The following FUT8 variants were observed in gnomAD, a reference collection of about 807,000 sequenced individuals.
The protein encoded by FUT8 is fucosyltransferase 8, also known as alpha-(1,6)-fucosyltransferase.
Under a neutral mutation model 71.3 loss-of-function variants are expected in FUT8, and 29 were observed. That is an observed-to-expected ratio of 0.41 (90% CI 0.30 to 0.55). The LOEUF is 0.55. Among genes scored for constraint, FUT8 ranks in the 20% least tolerant of loss-of-function variants. The probability of loss-of-function intolerance (pLI) is 0.34; values close to 1 mark genes in which losing one functional copy is unlikely to be tolerated. For missense variants in FUT8, 544 were observed against 702.1 expected, an observed-to-expected ratio of 0.77 and a Z score of 2.55; for synonymous variants, 254 against 239.3, an observed-to-expected ratio of 1.06 and a Z score of -0.57.
intron 6 of FUT8, among the ~76,000 whole-genome samples, chr14:65,656,740 C>T (rs754122889): frequency 6.6e-6 from 1 of 152,182 alleles, no homozygotes; most frequent in Non-Finnish European, 1.5e-5. Context: ...GGAGGAATCA[C>T]ACTGCCTGAC....
At chr14:65,634,760 A>T (rs1438076948) in intron 6 of FUT8, among the ~76,000 whole-genome samples, 1 of 152,140 alleles carries the variant, frequency 6.6e-6, no homozygotes, top group Non-Finnish European at 1.5e-5. Flanking sequence ...GAAATCAGGT[A>T]GTGTGATGCC....
intron 9 of FUT8, among the ~76,000 whole-genome samples, chr14:65,727,932 A>G (rs977112387): frequency 3.3e-5 from 5 of 152,214 alleles, no homozygotes; most frequent in Admixed American, 6.5e-5. Flanking sequence ...AAGTTCCACA[A>G]ATCTCTAGGG....
chr14:65,471,298 C>T (rs1946010784), intron 2 of FUT8: 1 of 157,600 alleles, frequency 6.3e-6, no homozygotes, highest in African/African-American at 2.4e-5. Flanking sequence ...ACTGTAAAAC[C>T]GTAGTAGGTT....
intron 3 of FUT8, among the ~76,000 whole-genome samples, chr14:65,614,107 G>A (rs1486518521): frequency 2.1e-5 from 2 of 95,912 alleles, no homozygotes; most frequent in African/African-American, 8.2e-5. Context: ...AATCGAGACT[G>A]TGTCAAAAAA....
rs3079115 is a variant in FUT8 at position 65,629,829 on chromosome 14, TACAC to T, written c.597+249_597+252del. Reference sequence around the variant, plus strand: ...TAAAGGGAGCTACTTCTTACACACGTACACACACACACACACACACACACACACA... The same window carrying T: ...TAAAGGGAGCTACTTCTTACACACGTACACACACACACACACACACACACA... On this transcript the variant is annotated intron_variant, in intron 6 of 10. Transcript: ENST00000673929. Among the ~76,000 whole-genome samples the T allele has an allele frequency of 0.12, 18,397 of 148,010 alleles. 1,419 individuals carry two copies. The highest frequency in any genetic ancestry group is 0.38 in the East Asian group (1,935 of 5,068).
chr14:65,503,004 G>T (rs1285576791), intron 2 of FUT8, among the ~76,000 whole-genome samples: 1 of 152,156 alleles, frequency 6.6e-6, no homozygotes, highest in Non-Finnish European at 1.5e-5. Context: ...TCCAGTGTTG[G>T]ACTTGGATGG....
At chr14:65,642,276 C>G (rs141724840) in intron 6 of FUT8, among the ~76,000 whole-genome samples, 23 of 152,050 alleles carry the variant, frequency 1.5e-4, no homozygotes, top group Non-Finnish European at 3.1e-4. Flanking sequence ...AAGATTATGT[C>G]TTTCCTATTA....
intron 6 of FUT8, among the ~76,000 whole-genome samples, chr14:65,629,969 T>C (rs1160405943): frequency 6.6e-6 from 1 of 152,120 alleles, no homozygotes; most frequent in Non-Finnish European, 1.5e-5. Context: ...AATGTATTGT[T>C]TGAAGTAAAC....
chr14:65,639,330 G>A (rs1890720059), intron 6 of FUT8, among the ~76,000 whole-genome samples: 1 of 152,136 alleles, frequency 6.6e-6, no homozygotes, highest in Non-Finnish European at 1.5e-5. Context: ...TCTTGCTTGT[G>A]GGAGCGTAGG....
At chr14:65,605,771 A>G (rs1049201498) in intron 3 of FUT8, among the ~76,000 whole-genome samples, 3 of 151,880 alleles carry the variant, frequency 2.0e-5, no homozygotes, top group African/African-American at 4.8e-5. Context: ...CTCACTCAGT[A>G]TCACACTTTT....
intron 1 of FUT8, among the ~76,000 whole-genome samples, chr14:65,440,594 A>G (rs1156934959): frequency 6.6e-6 from 1 of 152,144 alleles, no homozygotes; most frequent in African/African-American, 2.4e-5. Flanking sequence ...ACATATATGA[A>G]AACATCCAGT....
intron 2 of FUT8, among the ~76,000 whole-genome samples, chr14:65,494,015 T>C (rs2066522401): frequency 6.6e-6 from 1 of 152,182 alleles, no homozygotes; most frequent in Admixed American, 6.6e-5. Context: ...GCTGTTGTAA[T>C]GACTACATTT....
chr14:65,519,856 C>G (rs971570508), intron 2 of FUT8, among the ~76,000 whole-genome samples: 10 of 152,200 alleles, frequency 6.6e-5, no homozygotes, highest in African/African-American at 2.4e-4. Flanking sequence ...TTGGCTCACT[C>G]CAGCCTCCAT....
rs558093875 is a variant in FUT8, at chr14:65,625,723, A to G, written c.483-3769A>G. 1.1e-3 allele frequency among the ~76,000 whole-genome samples: 169 copies of G among 152,320 alleles called. 1 individual carries two copies. Among genetic ancestry groups the G allele is most frequent in the Admixed American group, 9.7e-3 (148 of 15,290 alleles). ...AACTGTTGTTCCAAAGCATCGTTCAAAGTTGTTCCACTATTAATTTAGGAT... is the reference window on the plus strand; with the variant it reads ...AACTGTTGTTCCAAAGCATCGTTCAGAGTTGTTCCACTATTAATTTAGGAT... On this transcript the variant is annotated intron_variant, in intron 5 of 10. Transcript: ENST00000673929.
intron 1 of FUT8, among the ~76,000 whole-genome samples, chr14:65,422,418 T>G (rs2065312422): frequency 6.6e-6 from 1 of 152,222 alleles, no homozygotes; most frequent in Admixed American, 6.5e-5. Flanking sequence ...TACTAATGAA[T>G]GTTTTTTATG....
At chr14:65,537,320 A>G (rs1312342760) in intron 2 of FUT8, among the ~76,000 whole-genome samples, 1 of 151,794 alleles carries the variant, frequency 6.6e-6, no homozygotes, top group Non-Finnish European at 1.5e-5. Flanking sequence ...AGGAAAGAAG[A>G]CACTCTGGTT....
intron 9 of FUT8, among the ~76,000 whole-genome samples, chr14:65,732,703 A>G (rs1312043274): frequency 6.6e-6 from 1 of 152,206 alleles, no homozygotes; most frequent in African/African-American, 2.4e-5. Context: ...ATGCAGGTTA[A>G]GGGAGACTGT....
At chr14:65,488,202 T>C (rs2066436380) in intron 2 of FUT8, 1 of 152,224 alleles carries the variant, frequency 6.6e-6, no homozygotes, top group Non-Finnish European at 1.5e-5. Flanking sequence ...AGCTTCAAAG[T>C]AGACATATGG....
chr14:65,499,641 CAT>C, intron 2 of FUT8, among the ~76,000 whole-genome samples: 1 of 151,724 alleles, frequency 6.6e-6, no homozygotes, highest in East Asian at 1.9e-4. Context: ...AGCGAGGCCT[CAT>C]ATGTATAAAA....
Sources: allele counts gnomAD v4.1 joint callset (sites outside exome capture counted in the v4.1 genomes callset), GRCh38; gene constraint gnomAD v4.1.1; transcripts MANE v1.5; gene names NCBI Gene and HGNC (gene_info 2026-07-23, HGNC 2026-07-21).